The following BLVRA variants were observed in gnomAD, a reference collection of about 807,000 sequenced individuals.
The protein encoded by BLVRA is BVR A.
Under a neutral mutation model 32.8 loss-of-function variants are expected in BLVRA, and 22 were observed. The ratio of observed to expected loss-of-function variants is 0.67; its 90% CI spans 0.48 to 0.96. The LOEUF (loss-of-function observed/expected upper bound fraction) is 0.96, where lower values mean the gene tolerates loss of function less well. Among genes scored for constraint, BLVRA ranks in the 40% least tolerant of loss-of-function variants. The pLI, the probability that BLVRA is intolerant of heterozygous loss-of-function variation, is 0.00. For missense variants in BLVRA, 323 were observed against 358.1 expected (o/e 0.90, Z 0.79); for synonymous variants, 119 against 141.3 (o/e 0.84, Z 1.12).
chr7:43,798,197 CAAAAAAAAA>C (rs56855757), intron 5 of BLVRA, among the ~76,000 whole-genome samples: 19 of 45,198 alleles, frequency 4.2e-4, no homozygotes, highest in Admixed American at 2.3e-3. Context: ...CCCCATCTCA[CAAAAAAAAA>C]AAAAAAAAAA....
intron 1 of BLVRA, among the ~76,000 whole-genome samples, chr7:43,765,368 C>T (rs1336036597): frequency 6.6e-6 from 1 of 152,120 alleles, no homozygotes. Context: ...TCTCATGTCT[C>T]AGCCTCCCGA....
At chr7:43,778,455 G>T (rs940588221) in intron 2 of BLVRA, among the ~76,000 whole-genome samples, 2 of 152,154 alleles carry the variant, frequency 1.3e-5, no homozygotes, top group Admixed American at 6.5e-5. Context: ...GCAGTACAGC[G>T]GTGGCTGTAG....
chr7:43,784,598 CTTTTTTTTTTTT>C (rs5883874), intron 2 of BLVRA, among the ~76,000 whole-genome samples: 4 of 85,238 alleles, frequency 4.7e-5, no homozygotes, highest in Non-Finnish European at 6.2e-5. Context: ...TCACTCATAT[CTTTTTTTTTTTT>C]TTTTTTTTTT....
chr7:43,780,199 A>AC (rs1410779854), intron 2 of BLVRA, among the ~76,000 whole-genome samples: 1 of 151,840 alleles, frequency 6.6e-6, no homozygotes, highest in African/African-American at 2.4e-5. Flanking sequence ...TGCCACAGGG[A>AC]CCCCAAGCCC....
chr7:43,791,308 G>C lies in BLVRA; in HGVS notation c.194G>C (p.Ser65Thr), dbSNP rs2095785627. ...ATTTCTTTGGAGGATGCTCTTTCCA[G>C]CCAAGAGGTGGAGGTCGCCTATATC... ...QQISLEDALS[S>T]QEVEVAYICS... The change falls in exon 4 of 8, where the codon AGC becomes ACC. Residue 65 changes from serine (S) to threonine (T), a missense_variant. Coordinates refer to ENST00000265523, the MANE Select transcript of BLVRA (RefSeq NM_000712.4). 1.2e-6 allele frequency: 2 copies of C among 1,613,984 alleles called. No individual in the cohort carries two copies. The highest frequency in any genetic ancestry group is 1.3e-5 in the African/African-American group (1 of 74,932).
At chr7:43,764,768 C>G (rs181580327) in intron 1 of BLVRA, among the ~76,000 whole-genome samples, 10 of 151,414 alleles carry the variant, frequency 6.6e-5, no homozygotes, top group Non-Finnish European at 1.2e-4. Flanking sequence ...GAGAACCCCC[C>G]ACCCCCCGCA....
intron 6 of BLVRA, among the ~76,000 whole-genome samples, chr7:43,801,440 G>T (rs183111132): frequency 6.6e-6 from 1 of 152,166 alleles, no homozygotes; most frequent in African/African-American, 2.4e-5. Context: ...TGGCCGTATC[G>T]TTGGGCACCT....
intron 6 of BLVRA, among the ~76,000 whole-genome samples, chr7:43,803,335 A>G (rs569250187): frequency 4.6e-5 from 7 of 152,172 alleles, no homozygotes; most frequent in African/African-American, 1.7e-4. Context: ...GTGTATGTAT[A>G]TCTACATATG....
intron 4 of BLVRA, among the ~76,000 whole-genome samples, 174 bp from the exon 5 acceptor site, chr7:43,792,539 ATG>A (rs2095787274): frequency 2.0e-5 from 3 of 152,236 alleles, no homozygotes; most frequent in Admixed American, 2.0e-4. Flanking sequence ...GTAGAAAACA[ATG>A]TGGGATACAG....
chr7:43,760,202 T>G (rs1355473947), intron 1 of BLVRA: 1 of 152,100 alleles, frequency 6.6e-6, no homozygotes, highest in African/African-American at 2.4e-5. Flanking sequence ...TTTTTTATTC[T>G]TTGTACCCCC....
intron 6 of BLVRA, 56 bp downstream of exon 6, chr7:43,800,628 C>G (rs117705921): frequency 6.9e-7 from 1 of 1,456,934 alleles, no homozygotes; most frequent in South Asian, 1.1e-5. Flanking sequence ...CAGCCAGATT[C>G]TTTCCTGGCT....
At chr7:43,781,142 C>CAA (rs1374000641) in intron 2 of BLVRA, among the ~76,000 whole-genome samples, 9 of 98,966 alleles carry the variant, frequency 9.1e-5, no homozygotes, top group Admixed American at 1.1e-4. Flanking sequence ...GACTCTGCCT[C>CAA]AAAAAAAAAA....
chr7:43,759,053 G>A (rs757032778), intron 1 of BLVRA, among the ~76,000 whole-genome samples: 1 of 152,244 alleles, frequency 6.6e-6, no homozygotes, highest in Non-Finnish European at 1.5e-5. Flanking sequence ...AGACCCAAGA[G>A]GGCAGGCTCG....
At chr7:43,783,738 T>A (rs974504587) in intron 2 of BLVRA, among the ~76,000 whole-genome samples, 4 of 152,162 alleles carry the variant, frequency 2.6e-5, no homozygotes, top group Non-Finnish European at 4.4e-5. Flanking sequence ...TAAAGCAGGT[T>A]CTTCTCTCCC....
chr7:43,802,504 A>G (rs2095799707), intron 6 of BLVRA, among the ~76,000 whole-genome samples: 3 of 151,956 alleles, frequency 2.0e-5, no homozygotes, highest in Non-Finnish European at 4.4e-5. Context: ...GTTTATATAT[A>G]TATATTTTTT....
intron 2 of BLVRA, among the ~76,000 whole-genome samples, chr7:43,777,267 G>A (rs1374318123): frequency 5.3e-5 from 8 of 152,100 alleles, no homozygotes; most frequent in African/African-American, 1.2e-4. Context: ...GCATGTTTTT[G>A]CAGTGGCTGG....
intron 3 of BLVRA, among the ~76,000 whole-genome samples, chr7:43,789,288 T>C (rs903176022): frequency 6.6e-6 from 1 of 152,204 alleles, no homozygotes; most frequent in Non-Finnish European, 1.5e-5. Context: ...ACAATTGTGA[T>C]AGTCTATGTA....
At chr7:43,775,146 G>T (rs916546114) in intron 2 of BLVRA, among the ~76,000 whole-genome samples, 33 of 151,970 alleles carry the variant, frequency 2.2e-4, no homozygotes, top group African/African-American at 8.0e-4. Flanking sequence ...TCTCCTGCCT[G>T]ATTGCCCTGG....
At chr7:43,805,784 A>T (rs890526949) in intron 7 of BLVRA, among the ~76,000 whole-genome samples, 1 of 152,056 alleles carries the variant, frequency 6.6e-6, no homozygotes, top group East Asian at 1.9e-4. Context: ...TTTGGGTAAG[A>T]TGGGTTTTTG....
Sources: allele counts gnomAD v4.1 joint callset (sites outside exome capture counted in the v4.1 genomes callset), GRCh38; gene constraint gnomAD v4.1.1; transcripts MANE v1.5; gene names NCBI Gene and HGNC (gene_info 2026-07-23, HGNC 2026-07-21).